The following TUBGCP5 variants were observed in gnomAD, a reference collection of about 807,000 sequenced individuals.
TUBGCP5 encodes the protein gamma-tubulin complex component 5.
A neutral mutation model predicts 134.7 loss-of-function variants in TUBGCP5; 98 were observed. That is an observed-to-expected ratio of 0.73 (90% CI 0.62 to 0.86). The LOEUF (loss-of-function observed/expected upper bound fraction) is 0.86. TUBGCP5 is among the 40% of genes least tolerant of loss of function. The pLI, the probability that TUBGCP5 is intolerant of heterozygous loss-of-function variation, is 0.00. For missense variants in TUBGCP5, 1,150 were observed against 1,244.8 expected (o/e 0.92, Z 1.15); for synonymous variants, 456 against 431.4 (o/e 1.06, Z -0.71).
At chr15:23,029,500 C>T (rs112938195) in intron 6 of TUBGCP5, among the ~76,000 whole-genome samples, 9,993 of 152,146 alleles carry the variant, frequency 0.066, 482 homozygotes, top group African/African-American at 0.13. Flanking sequence ...CGATTACAGG[C>T]GTAAGCCACT....
chr15:23,000,313 C>T (rs976230622), intron 22 of TUBGCP5: 1 of 1,274,072 alleles, frequency 7.8e-7, no homozygotes, highest in Admixed American at 3.7e-5. Flanking sequence ...ATTCTGCCAT[C>T]AACTTTATTT....
At chr15:23,017,372 T>G (rs1453491849) in intron 13 of TUBGCP5, among the ~76,000 whole-genome samples, 1 of 152,158 alleles carries the variant, frequency 6.6e-6, no homozygotes, top group Non-Finnish European at 1.5e-5. Context: ...ATGGAAGTGC[T>G]AATTATCCTG....
At position 23,025,948 on chromosome 15, in the gene TUBGCP5, A is replaced by G. The variant is rs548158120; in HGVS notation, c.827+168T>C. On this transcript the variant is annotated intron_variant, in intron 8 of 22. Transcript: ENST00000615383. ...TATTTAAAATGAAAATGAAGTAATTATATCAAACTCTCTCAATCTCCACAG... is the reference window on the plus strand; with the variant it reads ...TATTTAAAATGAAAATGAAGTAATTGTATCAAACTCTCTCAATCTCCACAG... Among the ~76,000 whole-genome samples, 25 of 152,322 alleles carry G rather than the reference A, an allele frequency of 1.6e-4. No homozygotes were observed. In the South Asian group the frequency reaches 5.0e-3, roughly 30 times the overall value.
downstream of TUBGCP5, among the ~76,000 whole-genome samples, chr15:22,994,926 C>T (rs2063998939): frequency 6.6e-6 from 1 of 151,992 alleles, no homozygotes; most frequent in African/African-American, 2.4e-5. Flanking sequence ...CCACCCTGGG[C>T]AACATAGCGA....
intron 23 of TUBGCP5, among the ~76,000 whole-genome samples, chr15:22,993,532 T>TC (rs1567083104): frequency 7.9e-5 from 7 of 89,166 alleles, no homozygotes; most frequent in African/African-American, 2.9e-4. Flanking sequence ...GAAGTTTTTT[T>TC]TTTTTTTTTT....
intron 11 of TUBGCP5, among the ~76,000 whole-genome samples, chr15:23,021,485 A>T (rs1219785746): frequency 6.6e-6 from 1 of 152,172 alleles, no homozygotes; most frequent in Non-Finnish European, 1.5e-5. Context: ...CCTGACCCTC[A>T]GCATTTTTAA....
At position 23,036,006 on chromosome 15, in the gene TUBGCP5, T is replaced by G. The variant is rs376669878; in HGVS notation, c.309+891A>C. Reference sequence around the variant, plus strand: ...TGGAGACAGTGCCTGAGTTTAATATTAAAACGTGAGCTTCCTCAGGCAGGA... The same window carrying G: ...TGGAGACAGTGCCTGAGTTTAATATGAAAACGTGAGCTTCCTCAGGCAGGA... On this transcript the variant is annotated intron_variant, in intron 3 of 22. Coordinates refer to ENST00000615383, the MANE Select transcript of TUBGCP5 (RefSeq NM_052903.6). Among the ~76,000 whole-genome samples the G allele has an allele frequency of 3.3e-5, 5 of 152,258 alleles. No homozygotes were observed. The East Asian group carries it at 7.7e-4, about 24-fold the overall frequency.
At chr15:23,033,753 G>C (rs2066437830) in intron 3 of TUBGCP5, among the ~76,000 whole-genome samples, 1 of 152,084 alleles carries the variant, frequency 6.6e-6, no homozygotes, top group East Asian at 1.9e-4. Context: ...TTATTAATCA[G>C]ATCGGTGAAA....
rs550572279 is a variant in TUBGCP5 at position 23,035,192 on chromosome 15, G to C, written c.309+1705C>G. On this transcript the variant is annotated intron_variant, in intron 3 of 22. Transcript: ENST00000615383. Reference sequence around the variant, plus strand: ...AAAATACAAAAAATTAGCTGGGCATGGTGGTGGGCACCTGTAATCCCAGCT... The same window carrying C: ...AAAATACAAAAAATTAGCTGGGCATCGTGGTGGGCACCTGTAATCCCAGCT... 2.2e-4 allele frequency among the ~76,000 whole-genome samples: 33 copies of C among 152,136 alleles called. 1 individual carries two copies. Among genetic ancestry groups the C allele is most frequent in the Admixed American group, 2.0e-3 (31 of 15,286 alleles).
At chr15:23,030,769 T>C (rs1293196273) in intron 6 of TUBGCP5, 116 bp downstream of exon 6, 3 of 1,279,284 alleles carry the variant, frequency 2.3e-6, no homozygotes, top group South Asian at 1.5e-5. Context: ...ATTGGTTTTA[T>C]AAGGATGGTA....
At chr15:23,022,448 A>G (rs1035414083) in intron 10 of TUBGCP5, among the ~76,000 whole-genome samples, 1 of 152,228 alleles carries the variant, frequency 6.6e-6, no homozygotes, top group Non-Finnish European at 1.5e-5. Flanking sequence ...GACCTTACTT[A>G]TAATAAAAGA....
intron 10 of TUBGCP5, chr15:23,022,943 A>T (rs1240218223): frequency 6.6e-6 from 1 of 152,270 alleles, no homozygotes; most frequent in Non-Finnish European, 1.5e-5. Flanking sequence ...GATGGCAAGA[A>T]GTGTGAGGAA....
chr15:22,993,808 G>A lies in TUBGCP5; in HGVS notation c.*61+3037C>T, dbSNP rs182249522. On this transcript the variant is annotated intron_variant and NMD_transcript_variant, in intron 23 of 23. Transcript: ENST00000614508. ...GATCCACCTGCCTCGGCCTCCCAAAGTGTTGGGATTACAGGCGTGAGCCAC... is the reference window on the plus strand; with the variant it reads ...GATCCACCTGCCTCGGCCTCCCAAAATGTTGGGATTACAGGCGTGAGCCAC... Among the ~76,000 whole-genome samples, 1,114 of 151,138 alleles carry A rather than the reference G, an allele frequency of 7.4e-3. 8 individuals carry two copies. The highest frequency in any genetic ancestry group is 0.012 in the Non-Finnish European group (801 of 67,750).
At position 23,027,232 on chromosome 15, in the gene TUBGCP5, G is replaced by A; in HGVS notation, c.697C>T (p.Pro233Ser). 1.2e-6 allele frequency: 2 copies of A among 1,614,002 alleles called. No individual in the cohort carries two copies. Among genetic ancestry groups the A allele is most frequent in the Non-Finnish European group, 1.7e-6 (2 of 1,179,972 alleles). Residue 233 changes from proline to serine, a missense_variant, in exon 7 of 23, where the codon CCT (proline) becomes TCT (serine). Transcript: ENST00000615383. The stretch of plus-strand genomic sequence containing the variant: ...TTAGAGTGCAAATGTAAACTATGAG[G>A]AAACTGGGAGGGCCTGGCTGTCCAG... ...QYWTARPSQF[P>S]HSLHLHSNLA...
At position 23,031,014 on chromosome 15, in the gene TUBGCP5, A is replaced by T; in HGVS notation, c.493T>A (p.Ser165Thr). ...TCATTTTCCTCTTCACTTTCTTCAGACCAATTCTGATTTAAAAAAGAGATA... is the reference window on the plus strand; with the variant it reads ...TCATTTTCCTCTTCACTTTCTTCAGTCCAATTCTGATTTAAAAAAGAGATA... ...IGPYMDTPNWSEESEEENDQQ... is the reference protein window; with the variant it reads ...IGPYMDTPNWTEESEEENDQQ... The change falls in exon 6 of 23, where the codon TCT (serine) becomes ACT (threonine). Residue 165 changes from serine (S) to threonine (T), a missense_variant. Coordinates refer to ENST00000615383, the MANE Select transcript of TUBGCP5 (RefSeq NM_052903.6). 1 of 1,609,598 alleles carries T rather than the reference A, an allele frequency of 6.2e-7. No homozygotes were observed. Among genetic ancestry groups the T allele is most frequent in the South Asian group, 1.1e-5 (1 of 90,546 alleles).
intron 15 of TUBGCP5, among the ~76,000 whole-genome samples, chr15:23,009,300 GCT>G (rs1291700504): frequency 6.8e-6 from 1 of 146,808 alleles, no homozygotes; most frequent in Non-Finnish European, 1.5e-5. Flanking sequence ...ATGGAGTCTT[GCT>G]CTGTCGCCCA....
At chr15:22,992,367 G>A (rs570336900) in intron 23 of TUBGCP5, among the ~76,000 whole-genome samples, 1 of 152,194 alleles carries the variant, frequency 6.6e-6, no homozygotes, top group East Asian at 1.9e-4. Flanking sequence ...GCAGACAACA[G>A]GCAGCCCTAT....
chr15:23,031,124 G>C, intron 5 of TUBGCP5, 104 bp from the exon 6 acceptor site: 1 of 1,241,132 alleles, frequency 8.1e-7, no homozygotes, highest in Non-Finnish European at 1.1e-6. Flanking sequence ...AAACTTTGAA[G>C]CAACATGGAA....
At chr15:22,987,085 C>A (rs1254079370) in intron 23 of TUBGCP5, among the ~76,000 whole-genome samples, 1 of 152,008 alleles carries the variant, frequency 6.6e-6, no homozygotes, top group Non-Finnish European at 1.5e-5. Flanking sequence ...GTAATCCCAG[C>A]ACTTTGGGAG....
Sources: gnomAD v4.1 joint callset for allele counts (sites outside exome capture counted in the v4.1 genomes callset) on GRCh38, gnomAD v4.1.1 for gene constraint, MANE v1.5 for transcripts, NCBI Gene and HGNC (gene_info 2026-07-23, HGNC 2026-07-21) for gene names.